ECT2L: variants seen among roughly 807,000 people sequenced by gnomAD.
ECT2L encodes the protein epithelial cell transforming 2 like.
In ECT2L, 126 loss-of-function variants were observed where a neutral mutation model predicts 122.8. That is an observed-to-expected ratio of 1.03 (90% CI 0.89 to 1.19). The LOEUF (loss-of-function observed/expected upper bound fraction) is 1.19. Ranked by LOEUF, ECT2L falls within the 50% of genes most tolerant of loss-of-function variation. The probability of loss-of-function intolerance (pLI) is 0.00; values close to 1 mark genes in which losing one functional copy is unlikely to be tolerated. For synonymous variants in ECT2L, 385 were observed against 381.8 expected (o/e 1.01, Z -0.10); for missense variants, 1,012 against 1,064.1 (o/e 0.95, Z 0.68).
intron 1 of ECT2L, among the ~76,000 whole-genome samples, chr6:138,797,722 A>G (rs1775393288): frequency 7.2e-5 from 11 of 152,094 alleles, no homozygotes; most frequent in Admixed American, 7.2e-4. Flanking sequence ...ACCAAAATGT[A>G]TGGGAATTTC....
chr6:138,810,845 G>C (rs11758074), intron 1 of ECT2L, among the ~76,000 whole-genome samples: 4,746 of 152,280 alleles, frequency 0.031, 127 homozygotes, highest in Non-Finnish European at 0.046. Flanking sequence ...TCTATAGAGA[G>C]ACCCTTGTGA....
chr6:138,885,427 T>C (rs1281601134), intron 16 of ECT2L, 79 bp from the exon 17 acceptor site: 6 of 1,415,084 alleles, frequency 4.2e-6, no homozygotes, highest in Middle Eastern at 3.6e-4. Flanking sequence ...AGGCATTCCA[T>C]AGATCATGCT....
chr6:138,865,162 C>A lies in ECT2L; in HGVS notation c.1458C>A (p.Ile486=). Residue 486 remains isoleucine (I), a synonymous_variant, in exon 12 of 22, where the codon ATC becomes ATA. Transcript: ENST00000541398. The stretch of plus-strand genomic sequence containing the variant: ...TCTTCAAGGAACTGCAGAAGAGCAT[C>A]AGTGGCAGGATGATAGGTAAGCAGT... ...YPFFKELQKS[I]SGRMIGQFMF... The A allele has an allele frequency of 6.2e-7, 1 of 1,611,738 alleles. No individual in the cohort carries two copies. Among genetic ancestry groups the A allele is most frequent in the East Asian group, 2.2e-5 (1 of 44,862 alleles).
intron 12 of ECT2L, among the ~76,000 whole-genome samples, chr6:138,867,016 G>A (rs1255313086): frequency 6.6e-6 from 1 of 152,118 alleles, no homozygotes; most frequent in Non-Finnish European, 1.5e-5. Context: ...AGAGGTTTCA[G>A]TGAGCTGAGA....
At chr6:138,810,060 A>G (rs967879301) in intron 1 of ECT2L, among the ~76,000 whole-genome samples, 5 of 152,234 alleles carry the variant, frequency 3.3e-5, no homozygotes, top group Admixed American at 1.3e-4. Flanking sequence ...AAAGAGGTAG[A>G]AAATGAATGT....
intron 12 of ECT2L, among the ~76,000 whole-genome samples, chr6:138,866,307 C>G (rs1030267700): frequency 9.9e-5 from 15 of 152,256 alleles, no homozygotes; most frequent in South Asian, 4.1e-4. Context: ...ACCGCCATGC[C>G]TGGCCAATTT....
intron 9 of ECT2L, among the ~76,000 whole-genome samples, chr6:138,853,693 T>C (rs1247595835): frequency 6.6e-6 from 1 of 152,254 alleles, no homozygotes; most frequent in Non-Finnish European, 1.5e-5. Context: ...GAAACATTTC[T>C]ACTTTGGAAC....
chr6:138,821,046 G>T (rs1402468048), intron 4 of ECT2L, among the ~76,000 whole-genome samples: 1 of 152,206 alleles, frequency 6.6e-6, no homozygotes, highest in East Asian at 1.9e-4. Context: ...TCAGACACAG[G>T]CGTGGGTGAC....
intron 1 of ECT2L, among the ~76,000 whole-genome samples, chr6:138,811,581 C>T (rs913671106): frequency 5.2e-4 from 79 of 152,162 alleles, no homozygotes; most frequent in Non-Finnish European, 1.8e-4. Context: ...AGGTGCAGCT[C>T]GCATCTGTAA....
intron 4 of ECT2L, among the ~76,000 whole-genome samples, chr6:138,825,141 C>T (rs941001753): frequency 2.6e-5 from 4 of 152,120 alleles, no homozygotes; most frequent in Non-Finnish European, 4.4e-5. Context: ...GGGATATTTA[C>T]GCTGGAGTCT....
intron 13 of ECT2L, among the ~76,000 whole-genome samples, chr6:138,869,448 C>T (rs1778165247): frequency 1.3e-5 from 2 of 152,168 alleles, no homozygotes; most frequent in Non-Finnish European, 1.5e-5. Flanking sequence ...CATTTCTGGG[C>T]GTAGCTGTCC....
chr6:138,805,173 G>A (rs977484613), intron 1 of ECT2L, among the ~76,000 whole-genome samples: 9 of 152,128 alleles, frequency 5.9e-5, no homozygotes, highest in African/African-American at 2.2e-4. Flanking sequence ...TTTCATTGAC[G>A]TATAGTATTC....
chr6:138,852,323 C>T (rs984175920), intron 9 of ECT2L, among the ~76,000 whole-genome samples: 35 of 151,148 alleles, frequency 2.3e-4, no homozygotes, highest in Middle Eastern at 3.5e-3. Flanking sequence ...CAAACCTCAA[C>T]GGTTACTTTT....
Position 138,837,410 on chromosome 6 carries a change from G to A in ECT2L, c.180-942G>A, listed in dbSNP as rs542163135. Among the ~76,000 whole-genome samples the A allele has an allele frequency of 1.1e-3, 162 of 152,162 alleles. 1 individual carries two copies. Among genetic ancestry groups the A allele is most frequent in the Non-Finnish European group, 1.6e-3 (112 of 68,008 alleles). ...CGCACTCTTCCTGTGGCCACGCCAG[G>A]CTGAGCAAACCCTGTTACTGACCCG... On this transcript the variant is annotated intron_variant, in intron 4 of 21. Transcript: ENST00000541398.
chr6:138,882,590 A>G, intron 15 of ECT2L, 134 bp from the exon 16 acceptor site: 1 of 1,048,624 alleles, frequency 9.5e-7, no homozygotes, highest in Non-Finnish European at 1.4e-6. Flanking sequence ...TCTCTGTGTT[A>G]GGAAGAAATG....
intron 12 of ECT2L, 82 bp downstream of exon 12, chr6:138,865,260 G>A (rs972622421): frequency 9.5e-6 from 13 of 1,368,914 alleles, no homozygotes; most frequent in African/African-American, 2.9e-5. Context: ...TAGTTATGGC[G>A]CAAGTAAAAT....
chr6:138,874,106 C>T (rs1778359578), intron 13 of ECT2L, among the ~76,000 whole-genome samples: 1 of 152,062 alleles, frequency 6.6e-6, no homozygotes, highest in Non-Finnish European at 1.5e-5. Context: ...ATTTCTGGCC[C>T]CTTATCCAGG....
chr6:138,896,255 C>T (rs570390539), intron 20 of ECT2L, among the ~76,000 whole-genome samples: 2 of 152,066 alleles, frequency 1.3e-5, no homozygotes, highest in African/African-American at 4.8e-5. Flanking sequence ...TTTAAGCATG[C>T]TTTTTTTCTT....
At chr6:138,819,079 C>T (rs1416002610) in intron 4 of ECT2L, among the ~76,000 whole-genome samples, 3 of 152,022 alleles carry the variant, frequency 2.0e-5, no homozygotes, top group Non-Finnish European at 2.9e-5. Context: ...ATATCCAAGG[C>T]AAGTCTGGAA....
Sources: gnomAD v4.1 joint callset for allele counts (sites outside exome capture counted in the v4.1 genomes callset) on GRCh38, gnomAD v4.1.1 for gene constraint, MANE v1.5 for transcripts, NCBI Gene and HGNC (gene_info 2026-07-23, HGNC 2026-07-21) for gene names.